RASEF: variants seen among roughly 807,000 people sequenced by gnomAD.
The protein encoded by RASEF is RAS and EF-hand domain containing.
RASEF carries 68 observed loss-of-function variants against 90.1 expected under a neutral mutation model. The observed-to-expected ratio is 0.75, with a 90% confidence interval of 0.62 to 0.92. The LOEUF (loss-of-function observed/expected upper bound fraction) is 0.92. Among genes scored for constraint, RASEF ranks in the 40% least tolerant of loss-of-function variants. The pLI is 0.00. For missense variants in RASEF, 949 were observed against 937.2 expected, an observed-to-expected ratio of 1.01 and a Z score of -0.16; for synonymous variants, 331 against 345.2, an observed-to-expected ratio of 0.96 and a Z score of 0.46.
chr9:83,215,933 G>A, the RASEF span, among the ~76,000 whole-genome samples: 1 of 152,118 alleles, frequency 6.6e-6, no homozygotes, highest in East Asian at 1.9e-4. Flanking sequence ...AGGCTAACGT[G>A]GTCTCAGATA....
At position 83,000,889 on chromosome 9, in the gene RASEF, G is replaced by C. The variant is rs1215252682; in HGVS notation, c.1437+7C>G. ...GGCCTAGGAGAGCAGTGGTTTCTGG[G>C]GCTTACATCTGTGTCTGAAGCATCA... On this transcript the variant is annotated splice_region_variant and intron_variant, in intron 10 of 16. Coordinates refer to ENST00000376447, the MANE Select transcript of RASEF (RefSeq NM_152573.4). 1 of 1,608,564 alleles carries C rather than the reference G, an allele frequency of 6.2e-7. No homozygotes were observed. The highest frequency in any genetic ancestry group is 1.3e-5 in the African/African-American group (1 of 74,804).
chr9:83,093,782 T>C, the RASEF span, among the ~76,000 whole-genome samples: 1 of 152,176 alleles, frequency 6.6e-6, no homozygotes, highest in Non-Finnish European at 1.5e-5. Context: ...GAAGGGCTCC[T>C]CAAGTGCCGC....
intron 1 of RASEF, among the ~76,000 whole-genome samples, chr9:83,057,854 T>TATATATAC (rs1830128862): frequency 2.2e-5 from 3 of 136,604 alleles, no homozygotes; most frequent in African/African-American, 9.5e-5. Flanking sequence ...TACATATATA[T>TATATATAC]ATATATATAT....
chr9:83,213,597 C>T, the RASEF span, among the ~76,000 whole-genome samples: 1 of 152,074 alleles, frequency 6.6e-6, no homozygotes, highest in African/African-American at 2.4e-5. Flanking sequence ...ATAAAACTCT[C>T]CTCATTTTCT....
the RASEF span, among the ~76,000 whole-genome samples, chr9:83,175,457 C>CTAG: frequency 6.6e-6 from 1 of 151,986 alleles, no homozygotes; most frequent in Non-Finnish European, 1.5e-5. Context: ...GTGATAAACC[C>CTAG]TAGTAGTAGT....
chr9:83,016,594 T>C (rs1314315827), intron 3 of RASEF, among the ~76,000 whole-genome samples: 1 of 152,168 alleles, frequency 6.6e-6, no homozygotes, highest in African/African-American at 2.4e-5. Flanking sequence ...TATTCGCTTA[T>C]CACCTACCAA....
intron 1 of RASEF, among the ~76,000 whole-genome samples, chr9:83,033,970 A>G (rs1332522770): frequency 6.6e-6 from 1 of 152,204 alleles, no homozygotes; most frequent in Non-Finnish European, 1.5e-5. Flanking sequence ...CTCCCATATG[A>G]GTTAAATAAA....
the RASEF span, among the ~76,000 whole-genome samples, chr9:83,076,574 G>T: frequency 0.057 from 7,826 of 137,358 alleles, 284 homozygotes; most frequent in Non-Finnish European, 0.076. Flanking sequence ...AGCTCTCAAT[G>T]TTTTCCAGCA....
At chr9:83,133,097 A>G in the RASEF span, among the ~76,000 whole-genome samples, 6 of 152,202 alleles carry the variant, frequency 3.9e-5, no homozygotes, top group Non-Finnish European at 8.8e-5. Flanking sequence ...TGACTATCTT[A>G]CTTTCAAACT....
At chr9:83,024,339 T>TC (rs147298879) in intron 2 of RASEF, among the ~76,000 whole-genome samples, 4,507 of 152,180 alleles carry the variant, frequency 0.03, 204 homozygotes, top group African/African-American at 0.1. Flanking sequence ...TCTGTTTTTT[T>TC]CCTCATAGGT....
the RASEF span, among the ~76,000 whole-genome samples, chr9:83,123,272 A>G: frequency 6.7e-6 from 1 of 148,818 alleles, no homozygotes; most frequent in Non-Finnish European, 1.5e-5. Context: ...CCAAGAGACC[A>G]TAACAGGAAT....
At chr9:83,173,202 G>C in the RASEF span, among the ~76,000 whole-genome samples, 2 of 151,734 alleles carry the variant, frequency 1.3e-5, no homozygotes, top group African/African-American at 4.8e-5. Context: ...TTGAGAGTTT[G>C]ATTATTTTAT....
chr9:83,173,987 C>G, the RASEF span, among the ~76,000 whole-genome samples: 1 of 151,688 alleles, frequency 6.6e-6, no homozygotes, highest in South Asian at 2.1e-4. Context: ...TTTGGCCATC[C>G]TGTTCTGCCT....
At chr9:83,108,193 G>C in the RASEF span, among the ~76,000 whole-genome samples, 1 of 152,060 alleles carries the variant, frequency 6.6e-6, no homozygotes, top group Non-Finnish European at 1.5e-5. Context: ...AAATTGTCAA[G>C]TACAAGCAGA....
the RASEF span, among the ~76,000 whole-genome samples, chr9:83,075,593 T>A: frequency 3.9e-5 from 6 of 152,158 alleles, no homozygotes; most frequent in Non-Finnish European, 4.4e-5. Flanking sequence ...CCACAGTAGA[T>A]TTCTTCCTAC....
intron 5 of RASEF, among the ~76,000 whole-genome samples, chr9:83,010,759 G>A (rs1047926549): frequency 3.3e-5 from 5 of 152,132 alleles, no homozygotes; most frequent in Non-Finnish European, 7.4e-5. Flanking sequence ...CACTCACACC[G>A]GTAACTGGGG....
At chr9:83,200,759 C>T in the RASEF span, among the ~76,000 whole-genome samples, 2 of 152,150 alleles carry the variant, frequency 1.3e-5, no homozygotes, top group Admixed American at 1.3e-4. Flanking sequence ...CCTCAGTGAG[C>T]TTGCTACATG....
At chr9:83,071,452 C>T in the RASEF span, among the ~76,000 whole-genome samples, 1 of 152,162 alleles carries the variant, frequency 6.6e-6, no homozygotes, top group Non-Finnish European at 1.5e-5. Flanking sequence ...GTCACCCAGG[C>T]ATGAGTGCAG....
In RASEF at chr9:83,005,508, G is replaced by A; in HGVS notation, c.1029-8C>T. ...AGCTTCCGGTTAGCTGTTCTGCAGG[G>A]TAAAGAAACAAGCAGAAAGAGAGAC... On this transcript the variant is annotated splice_polypyrimidine_tract_variant and splice_region_variant and intron_variant, in intron 7 of 16. Transcript: ENST00000376447. 6.2e-7 allele frequency: 1 copy of A among 1,607,934 alleles called. No homozygotes were observed. Among genetic ancestry groups the A allele is most frequent in the Non-Finnish European group, 8.5e-7 (1 of 1,174,466 alleles).
Sources: gnomAD v4.1 joint callset for allele counts (sites outside exome capture counted in the v4.1 genomes callset) on GRCh38, gnomAD v4.1.1 for gene constraint, MANE v1.5 for transcripts, NCBI Gene and HGNC (gene_info 2026-07-23, HGNC 2026-07-21) for gene names.